The following KCND3 variants were observed in gnomAD, a reference collection of about 807,000 sequenced individuals.
KCND3 encodes the protein potassium voltage-gated channel subfamily D member 3.
In KCND3, 9 loss-of-function variants were observed where a neutral mutation model predicts 51.1. The observed-to-expected ratio is 0.18, with a 90% CI of 0.11 to 0.31. The LOEUF is 0.31. Among genes scored for constraint, KCND3 ranks in the 10% least tolerant of loss-of-function variants. The probability of loss-of-function intolerance (pLI) is 1.00; values close to 1 mark genes in which losing one functional copy is unlikely to be tolerated. For missense variants in KCND3, 526 were observed against 903.8 expected (o/e 0.58, Z 5.36); for synonymous variants, 349 against 368.0 (o/e 0.95, Z 0.59).
intron 2 of KCND3, among the ~76,000 whole-genome samples, chr1:111,914,982 T>A (rs1228170235): frequency 6.6e-6 from 1 of 152,204 alleles, no homozygotes; most frequent in Non-Finnish European, 1.5e-5. Context: ...GACAATTATA[T>A]CACAAAGGAC....
In KCND3 at chr1:111,853,777, G is replaced by A. The variant is rs370841059; in HGVS notation, c.1107-66671C>T. 1.4e-4 allele frequency: 21 copies of A among 152,192 alleles called. No individual in the cohort carries two copies. In the East Asian group the frequency reaches 2.1e-3, roughly 15 times the overall value. The allele number at this position is 152,192 out of a possible 1,614,324, so 9.4% of individuals were successfully genotyped here. A position where few individuals can be genotyped will look rare whatever the true frequency, so the allele number is the denominator to read the frequency against. ...CAGCACCTAGTAGGTGCTCAATAAC[G>A]GTTTATTGAATGAATAAATGATTAA... On this transcript the variant is annotated intron_variant, in intron 2 of 7. Coordinates refer to ENST00000302127, the MANE Select transcript of KCND3 (RefSeq NM_001378969.1).
intron 2 of KCND3, among the ~76,000 whole-genome samples, chr1:111,867,282 C>T (rs1668623934): frequency 6.6e-6 from 1 of 152,130 alleles, no homozygotes; most frequent in Non-Finnish European, 1.5e-5. Flanking sequence ...ATGCCTGATG[C>T]CTGGCATCAG....
At chr1:111,891,510 T>C (rs1177979362) in intron 2 of KCND3, among the ~76,000 whole-genome samples, 1 of 152,202 alleles carries the variant, frequency 6.6e-6, no homozygotes, top group Non-Finnish European at 1.5e-5. Flanking sequence ...ACAGACGGTA[T>C]GTGCCCTCCC....
At chr1:111,902,159 G>A (rs1006606394) in intron 2 of KCND3, among the ~76,000 whole-genome samples, 3 of 152,212 alleles carry the variant, frequency 2.0e-5, no homozygotes, top group African/African-American at 7.2e-5. Flanking sequence ...AGATAGGAAC[G>A]GGGCTCAAAT....
intron 2 of KCND3, among the ~76,000 whole-genome samples, chr1:111,936,273 T>C (rs1336234753): frequency 6.6e-6 from 1 of 152,174 alleles, no homozygotes; most frequent in Non-Finnish European, 1.5e-5. Flanking sequence ...ACCAAGTCCC[T>C]GCAACGTGCC....
intron 2 of KCND3, among the ~76,000 whole-genome samples, chr1:111,811,736 A>C (rs1226855514): frequency 6.6e-6 from 1 of 152,216 alleles, no homozygotes; most frequent in East Asian, 1.9e-4. Context: ...ATTTTTAAAA[A>C]ATCAATTGGC....
chr1:111,984,982 C>G (rs1030592941), intron 1 of KCND3, among the ~76,000 whole-genome samples: 2 of 152,180 alleles, frequency 1.3e-5, no homozygotes, highest in South Asian at 4.1e-4. Flanking sequence ...ACTTTATATA[C>G]ATCTTAATTA....
At chr1:111,906,338 C>T (rs1408850622) in intron 2 of KCND3, among the ~76,000 whole-genome samples, 1 of 152,128 alleles carries the variant, frequency 6.6e-6, no homozygotes, top group Non-Finnish European at 1.5e-5. Context: ...AACAGCACAG[C>T]GTCTTACCTG....
intron 1 of KCND3, among the ~76,000 whole-genome samples, chr1:111,986,101 C>T (rs754035774): frequency 8.5e-5 from 13 of 152,176 alleles, no homozygotes; most frequent in Non-Finnish European, 1.6e-4. Flanking sequence ...TCAGCATGCA[C>T]TTAGCTAGGA....
chr1:111,922,909 T>C (rs2101841401), intron 2 of KCND3, among the ~76,000 whole-genome samples: 1 of 152,374 alleles, frequency 6.6e-6, no homozygotes, highest in South Asian at 2.1e-4. Context: ...TGACTGTCTC[T>C]TCTGTTTTGA....
intron 2 of KCND3, among the ~76,000 whole-genome samples, chr1:111,880,771 T>C (rs1396530999): frequency 3.9e-5 from 6 of 152,244 alleles, no homozygotes; most frequent in African/African-American, 1.4e-4. Flanking sequence ...CCCTGGTGAA[T>C]GTTTCGTTGC....
intron 2 of KCND3, among the ~76,000 whole-genome samples, chr1:111,879,666 G>A (rs1372318571): frequency 6.6e-6 from 1 of 152,194 alleles, no homozygotes; most frequent in Admixed American, 6.5e-5. Context: ...CAAGAAGGAG[G>A]AGCTTCCCTC....
Position 111,981,519 on chromosome 1 carries a change from A to C in KCND3, c.1106+102T>G. Reference sequence around the variant, plus strand: ...CCTGCCCCCAACACTTGGGTAAGGGACTCCCTCCTCCTCTACCCATGGTGA... The same window carrying C: ...CCTGCCCCCAACACTTGGGTAAGGGCCTCCCTCCTCCTCTACCCATGGTGA... On this transcript the variant is annotated intron_variant, in intron 2 of 7. Transcript: ENST00000302127. This position sits in a 1 kb window ranked among gnomAD's most constrained non-coding sequence, Gnocchi z 6.2. 1 of 1,539,786 alleles carries C rather than the reference A, an allele frequency of 6.5e-7. No homozygotes were observed. The highest frequency in any genetic ancestry group is 9.0e-7 in the Non-Finnish European group (1 of 1,115,112).
chr1:111,913,188 C>T (rs1177166984), intron 2 of KCND3, among the ~76,000 whole-genome samples: 1 of 152,164 alleles, frequency 6.6e-6, no homozygotes, highest in Non-Finnish European at 1.5e-5. Flanking sequence ...CAATTGCCTA[C>T]AGTATTCTAT....
intron 2 of KCND3, among the ~76,000 whole-genome samples, chr1:111,870,450 A>C (rs1036844514): frequency 2.0e-5 from 3 of 152,204 alleles, no homozygotes; most frequent in Non-Finnish European, 4.4e-5. Context: ...GATCACTTTG[A>C]CACTGAAGGA....
chr1:111,814,785 C>A (rs1666009813), intron 2 of KCND3, among the ~76,000 whole-genome samples: 1 of 152,232 alleles, frequency 6.6e-6, no homozygotes. Context: ...GGCCCAGCAG[C>A]CCAGCTGCCC....
intron 2 of KCND3, among the ~76,000 whole-genome samples, chr1:111,942,529 G>A (rs1477753766): frequency 6.6e-6 from 1 of 152,196 alleles, no homozygotes; most frequent in African/African-American, 2.4e-5. Context: ...AAAGTCAAAT[G>A]TTCCAGGCAC....
chr1:111,901,491 T>C (rs1262617228), intron 2 of KCND3, among the ~76,000 whole-genome samples: 1 of 152,212 alleles, frequency 6.6e-6, no homozygotes, highest in Non-Finnish European at 1.5e-5. Flanking sequence ...CAAATATTCA[T>C]AGTGCACTGG....
chr1:111,869,273 C>G (rs1216577988), intron 2 of KCND3, among the ~76,000 whole-genome samples: 1 of 152,196 alleles, frequency 6.6e-6, no homozygotes, highest in Non-Finnish European at 1.5e-5. Flanking sequence ...TCAGAATTAT[C>G]AGACAGAAAC....
Sources: allele counts gnomAD v4.1 joint callset (sites outside exome capture counted in the v4.1 genomes callset), GRCh38; gene constraint gnomAD v4.1.1; non-coding constraint Gnocchi (gnomAD v3.1); transcripts MANE v1.5; gene names NCBI Gene and HGNC (gene_info 2026-07-23, HGNC 2026-07-21).